SLC9C1: variants seen among roughly 807,000 people sequenced by gnomAD.
The protein encoded by SLC9C1 is sodium/hydrogen exchanger 10.
In SLC9C1, 97 loss-of-function variants were observed where a neutral mutation model predicts 140.9. That is an observed-to-expected ratio of 0.69 (90% CI 0.58 to 0.82). SLC9C1 has a LOEUF of 0.82. Among genes scored for constraint, SLC9C1 ranks in the 40% least tolerant of loss-of-function variants. The pLI is 0.00. For synonymous variants in SLC9C1, 440 were observed against 442.6 expected (o/e 0.99, Z 0.07); for missense variants, 1,340 against 1,389.3 (o/e 0.96, Z 0.56).
At chr3:112,210,806 T>A (rs973872676) in intron 15 of SLC9C1, among the ~76,000 whole-genome samples, 1 of 152,188 alleles carries the variant, frequency 6.6e-6, no homozygotes. Context: ...ATCAGTCTCC[T>A]CTGAGGTGGC....
At position 112,204,289 on chromosome 3, in the gene SLC9C1, T is replaced by A; in HGVS notation, c.2101A>T (p.Ile701Phe). Residue 701 changes from isoleucine to phenylalanine, a missense_variant, in exon 17 of 29, where the codon ATT becomes TTT. Transcript: ENST00000305815. ...ACTATTACTTCAGTCTCATTAAAAATATACTTAATGGTGTCTATTTCAATA... is the reference window on the plus strand; with the variant it reads ...ACTATTACTTCAGTCTCATTAAAAAAATACTTAATGGTGTCTATTTCAATA... ...ILIEIDTIKY[I>F]FNETEVIVFI... 6.4e-7 allele frequency: 1 copy of A among 1,555,514 alleles called. No individual in the cohort carries two copies. Among genetic ancestry groups the A allele is most frequent in the Non-Finnish European group, 8.6e-7 (1 of 1,159,492 alleles).
At chr3:112,189,197 G>A (rs2077599774) in intron 20 of SLC9C1, among the ~76,000 whole-genome samples, 1 of 152,156 alleles carries the variant, frequency 6.6e-6, no homozygotes, top group South Asian at 2.1e-4. Flanking sequence ...CACTCTGATG[G>A]TAGTTTCTTT....
At chr3:112,234,966 T>C (rs2078944947) in intron 12 of SLC9C1, among the ~76,000 whole-genome samples, 1 of 151,972 alleles carries the variant, frequency 6.6e-6, no homozygotes, top group African/African-American at 2.4e-5. Context: ...GTGGGCTCTT[T>C]TTTGGTTCCA....
chr3:112,179,462 C>A, intron 23 of SLC9C1, 69 bp downstream of exon 23: 1 of 1,483,516 alleles, frequency 6.7e-7, no homozygotes, highest in Non-Finnish European at 9.1e-7. Flanking sequence ...ATACTAAATA[C>A]TAAAATAACC....
intron 10 of SLC9C1, among the ~76,000 whole-genome samples, chr3:112,252,535 A>G (rs1248320437): frequency 6.6e-6 from 1 of 151,938 alleles, no homozygotes; most frequent in African/African-American, 2.4e-5. Context: ...AGCAGACAGA[A>G]TGCCTTTTTA....
Position 112,266,275 on chromosome 3 carries a change from T to C in SLC9C1, c.841A>G (p.Ser281Gly). ...GTTTCTTCAATTGCTGCTTTAAAAC[T>C]TGTAGAATTTAAAAGAAGTCCCACA... ...AIVGLLLNSTSFKAAIEETLL... is the reference protein window; with the variant it reads ...AIVGLLLNSTGFKAAIEETLL... Residue 281 changes from serine (S) to glycine (G), a missense_variant, in exon 8 of 29, where the codon AGT becomes GGT. Transcript: ENST00000305815. 6.2e-7 allele frequency: 1 copy of C among 1,611,220 alleles called. No homozygotes were observed. Among genetic ancestry groups the C allele is most frequent in the Non-Finnish European group, 8.5e-7 (1 of 1,178,910 alleles).
chr3:112,273,255 C>T (rs2080124158), intron 6 of SLC9C1, among the ~76,000 whole-genome samples: 1 of 152,056 alleles, frequency 6.6e-6, no homozygotes, highest in Admixed American at 6.6e-5. Context: ...TGAGCGCTCT[C>T]TGAGTGCCAT....
intron 26 of SLC9C1, among the ~76,000 whole-genome samples, chr3:112,160,648 T>A (rs1190461817): frequency 6.6e-6 from 1 of 151,532 alleles, no homozygotes; most frequent in Non-Finnish European, 1.5e-5. Context: ...ATGTGCCACA[T>A]TTTCTTAATC....
rs2079848201 is a variant in SLC9C1 at position 112,264,020 on chromosome 3, A to G, written c.1022+180T>C. Among the ~76,000 whole-genome samples, 4 of 149,380 alleles carry G rather than the reference A, an allele frequency of 2.7e-5. No homozygotes were observed. The Admixed American group carries it at 2.7e-4, about 10-fold the overall frequency. ...AATTAAAAAAACTTATAGAGTTTGC[A>G]TTGCTTTGAAATTTAGTTAAAAGCC... On this transcript the variant is annotated intron_variant, in intron 9 of 28. Coordinates refer to ENST00000305815, the MANE Select transcript of SLC9C1 (RefSeq NM_183061.3).
At chr3:112,257,206 A>T (rs1192504632) in intron 10 of SLC9C1, among the ~76,000 whole-genome samples, 2 of 152,168 alleles carry the variant, frequency 1.3e-5, no homozygotes, top group Non-Finnish European at 2.9e-5. Flanking sequence ...CTATTTTAAA[A>T]TTCGTATGGA....
At chr3:112,224,103 AGCATAG>A (rs1560090396) in intron 13 of SLC9C1, among the ~76,000 whole-genome samples, 1 of 152,172 alleles carries the variant, frequency 6.6e-6, no homozygotes, top group African/African-American at 2.4e-5. Context: ...TACCCATGGT[AGCATAG>A]CCAGCTCCCT....
intron 20 of SLC9C1, among the ~76,000 whole-genome samples, chr3:112,182,742 C>G (rs2077461923): frequency 6.6e-6 from 1 of 152,192 alleles, no homozygotes; most frequent in South Asian, 2.1e-4. Flanking sequence ...ATTTGCTTCA[C>G]CCTAGAATCC....
At chr3:112,283,003 T>G (rs1038697985) in intron 2 of SLC9C1, among the ~76,000 whole-genome samples, 2 of 152,228 alleles carry the variant, frequency 1.3e-5, no homozygotes, top group African/African-American at 4.8e-5. Flanking sequence ...GTGAAATAAA[T>G]GCATTCAGAA....
chr3:112,216,882 G>T (rs1008145119), intron 15 of SLC9C1, among the ~76,000 whole-genome samples: 136 of 152,250 alleles, frequency 8.9e-4, no homozygotes, highest in Admixed American at 1.5e-3. Context: ...TATAAATCAT[G>T]CTGCTATAAA....
chr3:112,211,990 T>G (rs1345260548), intron 15 of SLC9C1, among the ~76,000 whole-genome samples: 1 of 152,116 alleles, frequency 6.6e-6, no homozygotes. Context: ...CAAGGCCGAG[T>G]AACCCTCTGA....
Position 112,259,665 on chromosome 3 carries a change from T to C in SLC9C1, c.1197+3259A>G, listed in dbSNP as rs1333558771. 3.3e-5 allele frequency among the ~76,000 whole-genome samples: 5 copies of C among 152,184 alleles called. No homozygotes were observed. In the East Asian group the frequency reaches 9.7e-4, roughly 29 times the overall value. ...GGAGGGTGAGAATGGAAAAAATATC[T>C]ATCGGGTACTATGTTTATTTCCTGG... On this transcript the variant is annotated intron_variant, in intron 10 of 28. Transcript: ENST00000305815.
At chr3:112,169,352 G>T in intron 23 of SLC9C1, 24 bp from the exon 24 acceptor site, 1 of 1,595,046 alleles carries the variant, frequency 6.3e-7, no homozygotes, top group South Asian at 1.1e-5. Flanking sequence ...ATGTAAATTT[G>T]ATATTTTATT....
intron 26 of SLC9C1, among the ~76,000 whole-genome samples, chr3:112,165,236 A>T (rs1011456609): frequency 6.6e-6 from 1 of 152,094 alleles, no homozygotes; most frequent in East Asian, 1.9e-4. Context: ...TTTAGCTCAG[A>T]GATGTTTGAT....
intron 13 of SLC9C1, among the ~76,000 whole-genome samples, chr3:112,222,961 A>AT (rs1232365988): frequency 6.6e-6 from 1 of 152,064 alleles, no homozygotes; most frequent in Non-Finnish European, 1.5e-5. Context: ...TTACTAATCA[A>AT]TTTTTTCCTA....
Sources: gnomAD v4.1 joint callset for allele counts (sites outside exome capture counted in the v4.1 genomes callset) on GRCh38, gnomAD v4.1.1 for gene constraint, MANE v1.5 for transcripts, NCBI Gene and HGNC (gene_info 2026-07-23, HGNC 2026-07-21) for gene names.